The following ZNF532 variants were observed in gnomAD, a reference collection of about 807,000 sequenced individuals.
The protein encoded by ZNF532 is zinc finger protein 532.
Under a neutral mutation model 89.3 loss-of-function variants are expected in ZNF532, and 22 were observed. That is an observed-to-expected ratio of 0.25 (90% CI 0.18 to 0.35). ZNF532 has a LOEUF of 0.35. Ranked by LOEUF, ZNF532 falls within the 10% of genes least tolerant of loss-of-function variation. The pLI is 1.00. For synonymous variants in ZNF532, 606 were observed against 649.6 expected (o/e 0.93, Z 1.02); for missense variants, 1,132 against 1,643.4 (o/e 0.69, Z 5.38).
At chr18:58,967,565 C>G (rs1216161518) in intron 7 of ZNF532, among the ~76,000 whole-genome samples, 1 of 152,194 alleles carries the variant, frequency 6.6e-6, no homozygotes, top group Non-Finnish European at 1.5e-5. Flanking sequence ...TTCCGTGCAC[C>G]TGTGGCCGCC....
chr18:58,955,324 CATAATACCAGCTACCAGCT>C (rs2064657598), intron 7 of ZNF532, among the ~76,000 whole-genome samples: 1 of 152,190 alleles, frequency 6.6e-6, no homozygotes, highest in Non-Finnish European at 1.5e-5. Context: ...TCATGAGGAA[CATAATACCAGCTACCAGCT>C]TGTCTCATTT....
intron 2 of ZNF532, among the ~76,000 whole-genome samples, chr18:58,873,789 T>G (rs1330300663): frequency 6.6e-6 from 1 of 152,176 alleles, no homozygotes; most frequent in Non-Finnish European, 1.5e-5. Flanking sequence ...CTGATTTTAC[T>G]TTGTGTTCTG....
chr18:58,944,565 G>A (rs1367351536), intron 5 of ZNF532, among the ~76,000 whole-genome samples: 1 of 152,040 alleles, frequency 6.6e-6, no homozygotes, highest in Non-Finnish European at 1.5e-5. Context: ...CTAGCACACG[G>A]TGCCCAGTAG....
At chr18:58,864,575 G>A (rs1269990500), upstream of ZNF532, 2 of 147,708 alleles carry the variant, frequency 1.4e-5, no homozygotes, top group African/African-American at 5.0e-5. Flanking sequence ...TCTGCGGTGG[G>A]CTGTGGGGTG....
At chr18:58,920,735 C>T (rs1023425629) in intron 3 of ZNF532, 102 bp downstream of exon 3, 30 of 421,434 alleles carry the variant, frequency 7.1e-5, no homozygotes, top group Middle Eastern at 1.0e-3. Flanking sequence ...GTGAAATGGA[C>T]GTGTGTGTGT....
chr18:58,981,877 T>C (rs958257291), intron 9 of ZNF532, among the ~76,000 whole-genome samples: 1 of 150,088 alleles, frequency 6.7e-6, no homozygotes, highest in African/African-American at 2.5e-5. Flanking sequence ...GGTGGCGGGC[T>C]CCTGTAATCC....
At chr18:58,888,889 T>TATATA (rs1555709716) in intron 2 of ZNF532, among the ~76,000 whole-genome samples, 8 of 39,440 alleles carry the variant, frequency 2.0e-4, no homozygotes, top group Non-Finnish European at 2.0e-4. Context: ...TATATATATA[T>TATATA]TTTATATATA....
At chr18:58,977,030 A>T (rs2067136081) in intron 7 of ZNF532, among the ~76,000 whole-genome samples, 1 of 152,028 alleles carries the variant, frequency 6.6e-6, no homozygotes, top group Non-Finnish European at 1.5e-5. Flanking sequence ...TTTATGAGAG[A>T]ATATTTTTGG....
chr18:58,946,679 G>A (rs2063690373), intron 5 of ZNF532, among the ~76,000 whole-genome samples: 1 of 152,068 alleles, frequency 6.6e-6, no homozygotes, highest in Non-Finnish European at 1.5e-5. Context: ...CACCTGCTAC[G>A]GTTAATGATG....
At chr18:58,902,643 C>T (rs1288758768) in intron 2 of ZNF532, among the ~76,000 whole-genome samples, 1 of 152,006 alleles carries the variant, frequency 6.6e-6, no homozygotes, top group African/African-American at 2.4e-5. Flanking sequence ...CAGTCATGTG[C>T]CACCACACCC....
intron 3 of ZNF532, among the ~76,000 whole-genome samples, chr18:58,922,147 G>A (rs1164342763): frequency 2.0e-5 from 3 of 151,882 alleles, no homozygotes; most frequent in African/African-American, 4.8e-5. Flanking sequence ...TTCAAAGGGA[G>A]CACTAGTTTG....
intron 4 of ZNF532, among the ~76,000 whole-genome samples, chr18:58,934,844 C>T (rs987079510): frequency 2.0e-5 from 3 of 152,146 alleles, no homozygotes; most frequent in Non-Finnish European, 4.4e-5. Flanking sequence ...TCCTTTTAGG[C>T]ACACTCTTGC....
At chr18:58,882,378 C>T (rs113909893) in intron 2 of ZNF532, among the ~76,000 whole-genome samples, 1,703 of 152,224 alleles carry the variant, frequency 0.011, 22 homozygotes, top group Middle Eastern at 0.044. Context: ...GGAAAATGGG[C>T]TGGAAGCACC....
chr18:58,929,771 A>T (rs2061799083), intron 3 of ZNF532, among the ~76,000 whole-genome samples: 1 of 152,238 alleles, frequency 6.6e-6, no homozygotes, highest in Non-Finnish European at 1.5e-5. Flanking sequence ...AGCAAAAGGC[A>T]TATAAAGCCA....
chr18:58,975,102 C>T (rs2066893305), intron 7 of ZNF532, among the ~76,000 whole-genome samples: 1 of 152,116 alleles, frequency 6.6e-6, no homozygotes, highest in Non-Finnish European at 1.5e-5. Flanking sequence ...GGGGTCAGAG[C>T]TTTAGGAGTG....
At chr18:58,975,314 A>T (rs1413180324) in intron 7 of ZNF532, among the ~76,000 whole-genome samples, 1 of 152,202 alleles carries the variant, frequency 6.6e-6, no homozygotes, top group Non-Finnish European at 1.5e-5. Context: ...TGCAAGGCAG[A>T]TACCTCGTGG....
At position 58,953,518 on chromosome 18, in the gene ZNF532, T is replaced by A; in HGVS notation, c.2869T>A (p.Ser957Thr). The change falls in exon 7 of 10, where the codon TCT becomes ACT. Residue 957 changes from serine to threonine, a missense_variant and splice_region_variant. Ser to Thr is a moderately conservative substitution (Grantham distance 58). Transcript: ENST00000591808. ...TATTTCTTTTCTTTTTATAATGTAG[T>A]CTATGCATGGAACATTGAAAAGTAT... ...QKQLMMDHIK[S>T]MHGTLKSIEG... The A allele has an allele frequency of 6.2e-6, 10 of 1,603,630 alleles. No individual in the cohort carries two copies. Among genetic ancestry groups the A allele is most frequent in the Non-Finnish European group, 8.5e-6 (10 of 1,175,558 alleles).
chr18:58,886,793 A>G (rs944403319), intron 2 of ZNF532, among the ~76,000 whole-genome samples: 2 of 152,166 alleles, frequency 1.3e-5, no homozygotes, highest in Non-Finnish European at 2.9e-5. Flanking sequence ...ATGACATGTC[A>G]TCCAGATATA....
chr18:58,890,594 AT>A (rs59139870), intron 2 of ZNF532, among the ~76,000 whole-genome samples: 1,396 of 137,082 alleles, frequency 0.01, 18 homozygotes, highest in East Asian at 0.031. Context: ...ACTGCCGCCC[AT>A]TTTTTTTTTT....
Sources: gnomAD v4.1 joint callset for allele counts (sites outside exome capture counted in the v4.1 genomes callset) on GRCh38, gnomAD v4.1.1 for gene constraint, MANE v1.5 for transcripts, NCBI Gene and HGNC (gene_info 2026-07-23, HGNC 2026-07-21) for gene names.